Variants in SCARB1 observed in about 807,000 individuals in gnomAD.
SCARB1 encodes the protein scavenger receptor class B member 1.
Under a neutral mutation model 57.2 loss-of-function variants are expected in SCARB1, and 30 were observed. That is an observed-to-expected ratio of 0.52 (90% confidence interval 0.39 to 0.71). The LOEUF is 0.71. Ranked by LOEUF, SCARB1 falls within the 30% of genes least tolerant of loss-of-function variation. The pLI is 0.00. For synonymous variants in SCARB1, 249 were observed against 268.3 expected (o/e 0.93, Z 0.70); for missense variants, 543 against 671.2 (o/e 0.81, Z 2.11).
intron 1 of SCARB1, among the ~76,000 whole-genome samples, chr12:124,860,393 G>T (rs1322588093): frequency 2.6e-5 from 4 of 152,242 alleles, no homozygotes; most frequent in African/African-American, 7.2e-5. Context: ...CAGCAGCCTC[G>T]GAAGATGAGC....
chr12:124,791,869 T>C (rs541459990), intron 9 of SCARB1, among the ~76,000 whole-genome samples: 1 of 151,576 alleles, frequency 6.6e-6, no homozygotes, highest in African/African-American at 2.4e-5. Flanking sequence ...GGCAGGAGAA[T>C]CGCTTGAACC....
intron 1 of SCARB1, among the ~76,000 whole-genome samples, chr12:124,830,847 C>T (rs1951354987): frequency 6.6e-6 from 1 of 152,204 alleles, no homozygotes. Flanking sequence ...GAGTCTCACT[C>T]TGTCGCCCAG....
intron 1 of SCARB1, among the ~76,000 whole-genome samples, chr12:124,844,264 T>A (rs1014236390): frequency 2.0e-5 from 3 of 152,132 alleles, no homozygotes; most frequent in African/African-American, 7.2e-5. Context: ...GCACGAGGAA[T>A]GTTGACACGA....
chr12:124,781,748 G>C (rs1873521766), intron 12 of SCARB1, among the ~76,000 whole-genome samples: 2 of 151,342 alleles, frequency 1.3e-5, no homozygotes, highest in Non-Finnish European at 2.9e-5. Context: ...TATTTAACAG[G>C]CACCCTTCTG....
intron 1 of SCARB1, among the ~76,000 whole-genome samples, chr12:124,858,950 C>T (rs896831473): frequency 2.6e-5 from 4 of 152,182 alleles, no homozygotes; most frequent in Admixed American, 1.3e-4. Flanking sequence ...ACACAGCTCA[C>T]TGCAGCCTCG....
chr12:124,861,731 G>T (rs1952910668), intron 1 of SCARB1, among the ~76,000 whole-genome samples: 1 of 152,204 alleles, frequency 6.6e-6, no homozygotes, highest in African/African-American at 2.4e-5. Flanking sequence ...TCGCCTTTGG[G>T]ATATCCACAG....
At chr12:124,798,658 C>G (rs754922372) in intron 8 of SCARB1, among the ~76,000 whole-genome samples, 2 of 151,276 alleles carry the variant, frequency 1.3e-5, no homozygotes, top group South Asian at 4.2e-4. Flanking sequence ...GCATGGCCAA[C>G]GTGGCAAAAC....
At chr12:124,853,658 G>A (rs947429232) in intron 1 of SCARB1, among the ~76,000 whole-genome samples, 12 of 152,178 alleles carry the variant, frequency 7.9e-5, no homozygotes, top group Admixed American at 7.2e-4. Context: ...GCCTCCCAAA[G>A]TGCTGGGATT....
intron 1 of SCARB1, among the ~76,000 whole-genome samples, chr12:124,856,968 AT>A (rs912260035): frequency 3.9e-5 from 6 of 152,198 alleles, no homozygotes; most frequent in Admixed American, 3.9e-4. Context: ...TGGCGGGGTG[AT>A]GATTAGGACA....
At chr12:124,802,080 G>A (rs1319581060) in intron 7 of SCARB1, among the ~76,000 whole-genome samples, 1 of 147,050 alleles carries the variant, frequency 6.8e-6, no homozygotes, top group Admixed American at 6.9e-5. Flanking sequence ...AACCCAAGAG[G>A]CAGAAGTTGT....
Position 124,863,402 on chromosome 12 carries a change from G to A in SCARB1, c.126+193C>T, listed in dbSNP as rs535531061. On this transcript the variant is annotated intron_variant, in intron 1 of 12. Coordinates refer to ENST00000261693, the MANE Select transcript of SCARB1 (RefSeq NM_005505.5). Reference sequence around the variant, plus strand: ...GGGTTCCCCCCTAGCCTCAGTCTGGGGCGGTGAGGGTGGTGGGGAGGCGGG... The same window carrying A: ...GGGTTCCCCCCTAGCCTCAGTCTGGAGCGGTGAGGGTGGTGGGGAGGCGGG... Among the ~76,000 whole-genome samples the A allele has an allele frequency of 8.3e-4, 127 of 152,290 alleles. 1 individual carries two copies. Among genetic ancestry groups the A allele is most frequent in the African/African-American group, 3.0e-3 (123 of 41,570 alleles).
intron 10 of SCARB1, among the ~76,000 whole-genome samples, 158 bp downstream of exon 10, chr12:124,787,248 G>A (rs1253796545): frequency 1.3e-5 from 2 of 152,172 alleles, no homozygotes; most frequent in Non-Finnish European, 2.9e-5. Context: ...AGGGTGCTTG[G>A]ACAGGGTGAA....
At chr12:124,819,010 C>G (rs1011413685) in intron 1 of SCARB1, among the ~76,000 whole-genome samples, 3 of 151,804 alleles carry the variant, frequency 2.0e-5, no homozygotes, top group African/African-American at 7.3e-5. Flanking sequence ...ACCTGTAGTC[C>G]CAGCTACTTG....
At chr12:124,821,565 T>G (rs961224585) in intron 1 of SCARB1, 45 of 985,148 alleles carry the variant, frequency 4.6e-5, no homozygotes, top group Non-Finnish European at 5.4e-5. Context: ...AAAGGGAATC[T>G]TCAGAGACCC....
At chr12:124,856,784 C>A (rs150700091) in intron 1 of SCARB1, among the ~76,000 whole-genome samples, 1 of 152,204 alleles carries the variant, frequency 6.6e-6, no homozygotes, top group African/African-American at 2.4e-5. Flanking sequence ...GCAGAGCGGG[C>A]GGCCCCTGCA....
At chr12:124,841,191 G>C (rs1454155820) in intron 1 of SCARB1, among the ~76,000 whole-genome samples, 2 of 152,170 alleles carry the variant, frequency 1.3e-5, no homozygotes, top group Non-Finnish European at 2.9e-5. Flanking sequence ...CTAACACGGT[G>C]AAACCCCGTA....
chr12:124,833,436 C>T (rs1159798708), intron 1 of SCARB1, among the ~76,000 whole-genome samples: 1 of 152,156 alleles, frequency 6.6e-6, no homozygotes, highest in African/African-American at 2.4e-5. Flanking sequence ...AAATCTCCCA[C>T]CTTGGCCTCC....
In SCARB1 at chr12:124,779,804, G is replaced by A. The variant is rs1267370017; in HGVS notation, c.*1-1218C>T. 2.6e-5 allele frequency among the ~76,000 whole-genome samples: 4 copies of A among 152,072 alleles called. No homozygotes were observed. The East Asian group carries it at 7.7e-4, about 29-fold the overall frequency. Reference sequence around the variant, plus strand: ...CGCCCACCTGTGCTTGCTTCACCACGGGGTAGGAAAATCAAACTCCTGCTC... The same window carrying A: ...CGCCCACCTGTGCTTGCTTCACCACAGGGTAGGAAAATCAAACTCCTGCTC... On this transcript the variant is annotated intron_variant, in intron 12 of 12. Transcript: ENST00000261693.
Position 124,828,124 on chromosome 12 carries a change from AT to A in SCARB1, c.127-10418del, listed in dbSNP as rs879695201. 2.3e-3 allele frequency among the ~76,000 whole-genome samples: 332 copies of A among 145,886 alleles called. 1 individual carries two copies. The highest frequency in any genetic ancestry group is 9.9e-3 in the South Asian group (46 of 4,624). On this transcript the variant is annotated intron_variant, in intron 1 of 12. Transcript: ENST00000261693. ...TTAAACAGCTCATACTTAAGAAGGG[AT>A]TTTTTTTTTTTTAAATACACAGAGA...
Sources: allele counts gnomAD v4.1 joint callset (sites outside exome capture counted in the v4.1 genomes callset), GRCh38; gene constraint gnomAD v4.1.1; transcripts MANE v1.5; gene names NCBI Gene and HGNC (gene_info 2026-07-23, HGNC 2026-07-21).